RFX7: variants seen among roughly 807,000 people sequenced by gnomAD.
RFX7 encodes the protein DNA-binding protein RFX7.
Under a neutral mutation model 111.8 loss-of-function variants are expected in RFX7, and 26 were observed. That is an observed-to-expected ratio of 0.23 (90% CI 0.17 to 0.32). The LOEUF is 0.32. Among genes scored for constraint, RFX7 ranks in the 10% least tolerant of loss-of-function variants. The pLI is 1.00. For synonymous variants in RFX7, 624 were observed against 624.4 expected, an observed-to-expected ratio of 1.00 and a Z score of 0.01; for missense variants, 1,573 against 1,772.9, an observed-to-expected ratio of 0.89 and a Z score of 2.02.
At chr15:56,148,800 G>A (rs1032153627) in intron 3 of RFX7, among the ~76,000 whole-genome samples, 90 of 152,210 alleles carry the variant, frequency 5.9e-4, no homozygotes, top group African/African-American at 1.9e-3. Context: ...TCAATGTGTC[G>A]GCCGGGGGCA....
intron 5 of RFX7, among the ~76,000 whole-genome samples, chr15:56,128,133 T>G (rs2042168964): frequency 1.3e-5 from 2 of 152,122 alleles, no homozygotes; most frequent in Admixed American, 1.3e-4. Context: ...ACTTAAAAAG[T>G]ACCTACAAAG....
intron 2 of RFX7, among the ~76,000 whole-genome samples, chr15:56,181,572 GAA>G (rs1323429659): frequency 2.7e-5 from 4 of 149,456 alleles, no homozygotes; most frequent in Non-Finnish European, 4.5e-5. Flanking sequence ...ATGAATAAAT[GAA>G]AAAAAAAATT....
intron 2 of RFX7, among the ~76,000 whole-genome samples, chr15:56,229,733 G>T (rs564034796): frequency 4.9e-4 from 75 of 152,238 alleles, no homozygotes; most frequent in Non-Finnish European, 9.1e-4. Flanking sequence ...TGCTAATAGG[G>T]TCATAATTTG....
At chr15:56,227,034 A>G (rs954112541) in intron 2 of RFX7, among the ~76,000 whole-genome samples, 2 of 152,202 alleles carry the variant, frequency 1.3e-5, no homozygotes, top group African/African-American at 4.8e-5. Context: ...TCCACATAAG[A>G]AGTGCTCAAT....
At position 56,089,101 on chromosome 15, in the gene RFX7, C is replaced by T. The variant is rs1314764940; in HGVS notation, c.*4244G>A. On this transcript the variant is annotated 3_prime_UTR_variant, in exon 10 of 10. Coordinates refer to ENST00000559447, the MANE Select transcript of RFX7 (RefSeq NM_022841.7). ...ACATGCTCCAGGAAATGGGCCCCCCCTCCTACCTATAAAGCATTAATTAAG... is the reference window on the plus strand; with the variant it reads ...ACATGCTCCAGGAAATGGGCCCCCCTTCCTACCTATAAAGCATTAATTAAG... The T allele has an allele frequency of 6.6e-6, 1 of 152,202 alleles. No homozygotes were observed. Among genetic ancestry groups the T allele is most frequent in the Non-Finnish European group, 1.5e-5 (1 of 68,064 alleles). 9.4% of individuals were successfully genotyped at this position (152,202 alleles called of 1,614,324 possible).
chr15:56,154,454 C>G (rs538895707), intron 3 of RFX7, among the ~76,000 whole-genome samples: 26 of 152,164 alleles, frequency 1.7e-4, no homozygotes, highest in Non-Finnish European at 3.1e-4. Flanking sequence ...TGGAACAGAA[C>G]AGAGCCCTCA....
At chr15:56,133,350 A>AT (rs1157472325) in intron 5 of RFX7, among the ~76,000 whole-genome samples, 4 of 151,972 alleles carry the variant, frequency 2.6e-5, no homozygotes, top group East Asian at 1.9e-4. Flanking sequence ...TTACAACTTC[A>AT]TTTTTTTCCT....
intron 5 of RFX7, among the ~76,000 whole-genome samples, chr15:56,118,073 GTA>G (rs55681654): frequency 2.7e-5 from 4 of 150,768 alleles, no homozygotes; most frequent in South Asian, 2.1e-4. Flanking sequence ...TATATATTAG[GTA>G]TATATATATA....
At chr15:56,243,065 C>CCCCAATT in intron 2 of RFX7, 60 bp downstream of exon 2, 1 of 1,152,184 alleles carries the variant, frequency 8.7e-7, no homozygotes. Context: ...CGCCCCCCAC[C>CCCCAATT]CACTTTGCAG....
rs144090160 is a variant in RFX7, at chr15:56,098,117, A to G, written c.1071T>C (p.Ile357=). 196 of 1,613,888 alleles carry G rather than the reference A, an allele frequency of 1.2e-4. No homozygotes were observed. The African/African-American group carries it at 2.3e-3, about 19-fold the overall frequency. Residue 357 remains isoleucine (I), a synonymous_variant, in exon 9 of 10, where the codon ATT becomes ATC. Coordinates refer to ENST00000559447, the MANE Select transcript of RFX7 (RefSeq NM_022841.7). ...TAGGGACAGCTGCCACAACGATACC[A>G]ATAGGTTGAGGAGAAAGGATTGAAG... is the stretch of plus-strand genomic sequence containing the variant. ...GNPSILSPQP[I]GIVVAAVPSP...
At chr15:56,139,929 G>A (rs1246261012) in intron 5 of RFX7, among the ~76,000 whole-genome samples, 2 of 152,246 alleles carry the variant, frequency 1.3e-5, no homozygotes, top group African/African-American at 2.4e-5. Context: ...AGGCTGCTCA[G>A]GGGTCAGGGG....
At chr15:56,222,095 T>C (rs142517937) in intron 2 of RFX7, among the ~76,000 whole-genome samples, 1 of 152,172 alleles carries the variant, frequency 6.6e-6, no homozygotes, top group Non-Finnish European at 1.5e-5. Context: ...CATCTCAAAA[T>C]GTCTATTTTG....
chr15:56,217,216 G>A (rs2043371571), intron 2 of RFX7, among the ~76,000 whole-genome samples: 1 of 152,038 alleles, frequency 6.6e-6, no homozygotes, highest in East Asian at 1.9e-4. Context: ...AGAATAAGAA[G>A]ACAAATGTAT....
At chr15:56,192,358 T>C (rs1414684270) in intron 2 of RFX7, 5 of 229,402 alleles carry the variant, frequency 2.2e-5, no homozygotes, top group Admixed American at 4.0e-5. Context: ...CACATGTATT[T>C]GTAAAATCCT....
intron 5 of RFX7, among the ~76,000 whole-genome samples, chr15:56,116,842 T>C: frequency 6.6e-6 from 1 of 151,324 alleles, no homozygotes; most frequent in South Asian, 2.1e-4. Flanking sequence ...CATTGTACAG[T>C]TGTACAAATT....
intron 3 of RFX7, among the ~76,000 whole-genome samples, chr15:56,178,560 T>C (rs754196756): frequency 2.6e-5 from 4 of 152,088 alleles, no homozygotes; most frequent in Non-Finnish European, 4.4e-5. Flanking sequence ...TCTAACAGTA[T>C]AGAGCCTTCG....
At chr15:56,235,452 C>G (rs2043612872) in intron 2 of RFX7, among the ~76,000 whole-genome samples, 1 of 152,154 alleles carries the variant, frequency 6.6e-6, no homozygotes, top group African/African-American at 2.4e-5. Context: ...CTGTTCTCAT[C>G]TTGTAGCTAC....
rs1487239019 is a variant in RFX7 at position 56,088,411 on chromosome 15, A to G, written c.*4934T>C. On this transcript the variant is annotated 3_prime_UTR_variant, in exon 10 of 10. Coordinates refer to ENST00000559447, the MANE Select transcript of RFX7 (RefSeq NM_022841.7). ...AACTAACACTGGGTCTAATGCAAAGAAATACTCTATATACCACAGTAATAT... is the reference window on the plus strand; with the variant it reads ...AACTAACACTGGGTCTAATGCAAAGGAATACTCTATATACCACAGTAATAT... 1 of 152,310 alleles carries G rather than the reference A, an allele frequency of 6.6e-6. No individual in the cohort carries two copies. The highest frequency in any genetic ancestry group is 2.4e-5 in the African/African-American group (1 of 41,468). 9.4% of individuals were successfully genotyped at this position (152,310 alleles called of 1,614,324 possible). A position where few individuals can be genotyped will look rare whatever the true frequency, so the allele number is the denominator to read the frequency against.
intron 3 of RFX7, among the ~76,000 whole-genome samples, chr15:56,165,390 A>G (rs2042771477): frequency 6.6e-6 from 1 of 152,190 alleles, no homozygotes; most frequent in African/African-American, 2.4e-5. Context: ...ACAATTATCT[A>G]AATGATGGCA....
Sources: gnomAD v4.1 joint callset for allele counts (sites outside exome capture counted in the v4.1 genomes callset) on GRCh38, gnomAD v4.1.1 for gene constraint, MANE v1.5 for transcripts, NCBI Gene and HGNC (gene_info 2026-07-23, HGNC 2026-07-21) for gene names.